CAMKMT: variants seen among roughly 807,000 people sequenced by gnomAD.
CAMKMT encodes CaM KMT.
Under a neutral mutation model 48.0 loss-of-function variants are expected in CAMKMT, and 53 were observed. The observed-to-expected ratio is 1.10, with a 90% confidence interval of 0.89 to 1.39. CAMKMT has a LOEUF of 1.39. Among genes scored for constraint, CAMKMT ranks in the 40% most tolerant of loss-of-function variants. CAMKMT has a pLI of 0.00. For synonymous variants in CAMKMT, 165 were observed against 152.3 expected (o/e 1.08, Z -0.61); for missense variants, 428 against 402.7 (o/e 1.06, Z -0.54).
Position 44,372,893 on chromosome 2 carries a change from C to T in CAMKMT, c.311+5C>T, listed in dbSNP as rs1176983217. 2 of 1,601,076 alleles carry T rather than the reference C, an allele frequency of 1.2e-6. No individual in the cohort carries two copies. Among genetic ancestry groups the T allele is most frequent in the South Asian group, 2.3e-5 (2 of 87,526 alleles). On this transcript the variant is annotated splice_donor_5th_base_variant and intron_variant, in intron 2 of 10. Transcript: ENST00000378494. ...TGAATACAGTATCTCCTTAAGGTAA[C>T]CATTATTCTAGTTAAGATTTTGTAA...
At chr2:44,535,722 C>T (rs751708031) in intron 3 of CAMKMT, among the ~76,000 whole-genome samples, 8 of 152,116 alleles carry the variant, frequency 5.3e-5, no homozygotes, top group Non-Finnish European at 8.8e-5. Context: ...CAAACTTGCT[C>T]TAGAAGCAAC....
intron 1 of CAMKMT, among the ~76,000 whole-genome samples, chr2:44,367,275 C>G (rs1678699799): frequency 6.6e-6 from 1 of 152,006 alleles, no homozygotes; most frequent in South Asian, 2.1e-4. Flanking sequence ...TTAAGTATCC[C>G]TAATACAAAA....
At chr2:44,572,121 G>A (rs1572828600) in intron 3 of CAMKMT, among the ~76,000 whole-genome samples, 1 of 152,118 alleles carries the variant, frequency 6.6e-6, no homozygotes, top group East Asian at 1.9e-4. Flanking sequence ...GACTGAGACT[G>A]TACCCATTAA....
chr2:44,689,116 C>T (rs1676491564), intron 3 of CAMKMT, among the ~76,000 whole-genome samples: 1 of 151,986 alleles, frequency 6.6e-6, no homozygotes, highest in East Asian at 1.9e-4. Flanking sequence ...TTTGGTATGC[C>T]CTGTAACAAG....
At chr2:44,416,990 G>A (rs1485682620) in intron 3 of CAMKMT, among the ~76,000 whole-genome samples, 1 of 151,930 alleles carries the variant, frequency 6.6e-6, no homozygotes, top group African/African-American at 2.4e-5. Flanking sequence ...CTGGAGTGTA[G>A]TGGCCTGATC....
At chr2:44,652,013 A>G (rs1008944265) in intron 3 of CAMKMT, among the ~76,000 whole-genome samples, 1 of 152,256 alleles carries the variant, frequency 6.6e-6, no homozygotes, top group Admixed American at 6.5e-5. Flanking sequence ...GTATATGTGC[A>G]TTATATGATT....
At chr2:44,571,445 A>G (rs1209631327) in intron 3 of CAMKMT, among the ~76,000 whole-genome samples, 1 of 152,230 alleles carries the variant, frequency 6.6e-6, no homozygotes, top group Non-Finnish European at 1.5e-5. Context: ...GAAACTTCTT[A>G]GTTTAAATCT....
intron 8 of CAMKMT, among the ~76,000 whole-genome samples, chr2:44,744,265 C>G (rs1454559131): frequency 2.6e-5 from 4 of 152,134 alleles, no homozygotes; most frequent in Non-Finnish European, 5.9e-5. Flanking sequence ...TATAAAATTA[C>G]ATTTTATTCT....
chr2:44,634,090 A>T (rs1339910064), intron 3 of CAMKMT, among the ~76,000 whole-genome samples: 1 of 152,154 alleles, frequency 6.6e-6, no homozygotes, highest in Non-Finnish European at 1.5e-5. Context: ...TAACTGGAAC[A>T]TCTTACAGAC....
chr2:44,731,812 A>C (rs1163228304), intron 7 of CAMKMT, among the ~76,000 whole-genome samples: 1 of 152,246 alleles, frequency 6.6e-6, no homozygotes, highest in Non-Finnish European at 1.5e-5. Context: ...AGATGAGGGC[A>C]ATGATACTCA....
intron 3 of CAMKMT, among the ~76,000 whole-genome samples, chr2:44,582,254 T>G (rs1014433854): frequency 1.3e-5 from 2 of 152,340 alleles, no homozygotes; most frequent in East Asian, 1.9e-4. Flanking sequence ...TATGTGAACT[T>G]GACAGTGTTC....
chr2:44,416,020 C>G (rs1683526204), intron 3 of CAMKMT, among the ~76,000 whole-genome samples: 1 of 152,108 alleles, frequency 6.6e-6, no homozygotes, highest in Non-Finnish European at 1.5e-5. Context: ...TAACATTATT[C>G]AAAATCCTTT....
At chr2:44,673,507 A>AAGGT (rs1675474327) in intron 3 of CAMKMT, among the ~76,000 whole-genome samples, 1 of 143,558 alleles carries the variant, frequency 7.0e-6, no homozygotes, top group Non-Finnish European at 1.5e-5. Context: ...GGAAGGAAGG[A>AAGGT]AGGAAGGAAG....
intron 3 of CAMKMT, among the ~76,000 whole-genome samples, chr2:44,501,373 G>A (rs1669999118): frequency 3.3e-5 from 5 of 152,102 alleles, no homozygotes. Context: ...TGTACATTAT[G>A]TGTGTGCCAG....
At chr2:44,397,346 G>T (rs960372028) in intron 3 of CAMKMT, among the ~76,000 whole-genome samples, 1 of 152,222 alleles carries the variant, frequency 6.6e-6, no homozygotes, top group Non-Finnish European at 1.5e-5. Context: ...GAACGCATGG[G>T]TAATGATCAG....
At chr2:44,531,350 C>G (rs182197290) in intron 3 of CAMKMT, among the ~76,000 whole-genome samples, 97 of 152,106 alleles carry the variant, frequency 6.4e-4, no homozygotes, top group African/African-American at 2.1e-3. Context: ...TAAAAATTGT[C>G]CTCTTTAATA....
rs201978100 is a variant in CAMKMT at position 44,715,395 on chromosome 2, C to T, written c.623+42C>T. The T allele has an allele frequency of 3.4e-5, 49 of 1,437,590 alleles. No homozygotes were observed. In the East Asian group the frequency reaches 8.2e-4, roughly 24 times the overall value. 89.1% of individuals were successfully genotyped at this position (1,437,590 alleles called of 1,614,324 possible). A position where few individuals can be genotyped will look rare whatever the true frequency, so the allele number is the denominator to read the frequency against. ...CATTAAAAAATTCCCATTGAAATTG[C>T]TTTTCTTGATACTATGGATGGTTAT... On this transcript the variant is annotated intron_variant, in intron 7 of 10. Coordinates refer to ENST00000378494, the MANE Select transcript of CAMKMT (RefSeq NM_024766.5).
intron 3 of CAMKMT, among the ~76,000 whole-genome samples, chr2:44,685,489 G>A (rs910277493): frequency 6.6e-6 from 1 of 152,156 alleles, no homozygotes; most frequent in African/African-American, 2.4e-5. Context: ...CTCCCCAAAG[G>A]TGTCCTTTCC....
At chr2:44,501,692 G>T (rs1472768506) in intron 3 of CAMKMT, among the ~76,000 whole-genome samples, 1 of 152,164 alleles carries the variant, frequency 6.6e-6, no homozygotes, top group Non-Finnish European at 1.5e-5. Context: ...TATAGGTGCA[G>T]TTCGAATGTT....
Sources: allele counts gnomAD v4.1 joint callset (sites outside exome capture counted in the v4.1 genomes callset), GRCh38; gene constraint gnomAD v4.1.1; transcripts MANE v1.5; gene names NCBI Gene and HGNC (gene_info 2026-07-23, HGNC 2026-07-21).